CSMD1: variants seen among roughly 807,000 people sequenced by gnomAD.
CSMD1 encodes CUB and sushi domain-containing protein 1.
A neutral mutation model predicts 417.5 loss-of-function variants in CSMD1; 213 were observed. The observed-to-expected ratio is 0.51, with a 90% confidence interval of 0.46 to 0.57. The LOEUF (loss-of-function observed/expected upper bound fraction) is 0.57. Among genes scored for constraint, CSMD1 ranks in the 20% least tolerant of loss-of-function variants. The pLI is 0.00. For synonymous variants in CSMD1, 2,862 were observed against 1,736.8 expected, an observed-to-expected ratio of 1.65 and a Z score of -16.11; for missense variants, 6,923 against 4,529.7, an observed-to-expected ratio of 1.53 and a Z score of -15.17.
At chr8:4,844,725 A>G (rs1167580477) in intron 1 of CSMD1, among the ~76,000 whole-genome samples, 5 of 152,236 alleles carry the variant, frequency 3.3e-5, no homozygotes, top group Non-Finnish European at 5.9e-5. Context: ...TGTAGTGATA[A>G]TTATGATTAT....
intron 3 of CSMD1, among the ~76,000 whole-genome samples, chr8:4,282,267 C>T (rs931241191): frequency 6.6e-5 from 10 of 152,078 alleles, no homozygotes; most frequent in African/African-American, 2.2e-4. Context: ...TCCATGTGAA[C>T]CTGTCATTTT....
chr8:4,419,152 T>C (rs910320134), intron 3 of CSMD1, among the ~76,000 whole-genome samples: 1 of 152,158 alleles, frequency 6.6e-6, no homozygotes, highest in African/African-American at 2.4e-5. Flanking sequence ...GTGTTGTAAA[T>C]AGGAATTGGT....
chr8:4,091,359 T>C lies in CSMD1; in HGVS notation c.416-59260A>G, dbSNP rs779821108. Among the ~76,000 whole-genome samples the C allele has an allele frequency of 3.7e-4, 56 of 152,312 alleles. 1 individual carries two copies. The Middle Eastern group carries it at 0.014, about 37-fold the overall frequency. Reference sequence around the variant, plus strand: ...TGATTCCATCATTGAATTTGAAATGTCCATGGAAGAAAATAAATATAAAAC... The same window carrying C: ...TGATTCCATCATTGAATTTGAAATGCCCATGGAAGAAAATAAATATAAAAC... On this transcript the variant is annotated intron_variant, in intron 3 of 69. Transcript: ENST00000635120.
chr8:4,973,084 G>C (rs960266468), intron 1 of CSMD1, among the ~76,000 whole-genome samples: 1 of 152,156 alleles, frequency 6.6e-6, no homozygotes, highest in African/African-American at 2.4e-5. Flanking sequence ...AAGAGTGCTT[G>C]GGCAATCAAA....
At chr8:3,718,561 G>T (rs534832166) in intron 6 of CSMD1, among the ~76,000 whole-genome samples, 1 of 151,946 alleles carries the variant, frequency 6.6e-6, no homozygotes, top group Admixed American at 6.6e-5. Flanking sequence ...ATTTAATGTC[G>T]CTTAATAGCA....
intron 40 of CSMD1, among the ~76,000 whole-genome samples, chr8:3,147,764 T>A (rs760756519): frequency 1.3e-5 from 2 of 152,214 alleles, no homozygotes; most frequent in African/African-American, 2.4e-5. Context: ...TTTCCAGTGA[T>A]ACTTCAAAGG....
intron 2 of CSMD1, among the ~76,000 whole-genome samples, chr8:4,596,457 TA>T (rs1477030885): frequency 6.6e-6 from 1 of 152,142 alleles, no homozygotes; most frequent in African/African-American, 2.4e-5. Flanking sequence ...ATTATGCAAA[TA>T]ATTTTCATCA....
At chr8:3,284,078 G>A (rs1802950922) in intron 26 of CSMD1, 66 bp downstream of exon 26, 1 of 1,245,156 alleles carries the variant, frequency 8.0e-7, no homozygotes, top group Non-Finnish European at 1.2e-6. Flanking sequence ...TATAAATGGA[G>A]GGAGATCTGT....
chr8:3,454,171 C>A (rs943192428), intron 12 of CSMD1, among the ~76,000 whole-genome samples: 2 of 152,122 alleles, frequency 1.3e-5, no homozygotes, highest in Non-Finnish European at 2.9e-5. Flanking sequence ...CTTGGTAGAT[C>A]TTTCTCCACC....
At chr8:3,213,752 T>G (rs1284948980) in intron 30 of CSMD1, among the ~76,000 whole-genome samples, 1 of 150,790 alleles carries the variant, frequency 6.6e-6, no homozygotes, top group African/African-American at 2.4e-5. Context: ...AATATATGTG[T>G]GTGTATGTAT....
intron 3 of CSMD1, among the ~76,000 whole-genome samples, chr8:4,348,271 G>T (rs954527595): frequency 6.6e-6 from 1 of 152,064 alleles, no homozygotes; most frequent in African/African-American, 2.4e-5. Context: ...TAAGGGGAAG[G>T]TAGATATAAC....
intron 33 of CSMD1, among the ~76,000 whole-genome samples, chr8:3,198,407 T>C (rs1245464970): frequency 1.3e-5 from 2 of 152,202 alleles, no homozygotes; most frequent in Non-Finnish European, 2.9e-5. Flanking sequence ...AAATTAGAAG[T>C]AGTAAGAGAC....
intron 49 of CSMD1, among the ~76,000 whole-genome samples, chr8:3,061,183 T>A (rs1390094309): frequency 6.6e-6 from 1 of 152,152 alleles, no homozygotes; most frequent in Non-Finnish European, 1.5e-5. Flanking sequence ...AAACCTTTGC[T>A]TCCTCACCTG....
chr8:4,435,833 G>T (rs1209090928), intron 2 of CSMD1, among the ~76,000 whole-genome samples: 1 of 152,216 alleles, frequency 6.6e-6, no homozygotes, highest in African/African-American at 2.4e-5. Flanking sequence ...GGCAGGGTGT[G>T]TGACTCCAAA....
At chr8:4,062,573 A>T (rs940021929) in intron 3 of CSMD1, among the ~76,000 whole-genome samples, 1 of 152,140 alleles carries the variant, frequency 6.6e-6, no homozygotes, top group East Asian at 1.9e-4. Flanking sequence ...CATATCCTAT[A>T]AAAGTTTTCA....
intron 3 of CSMD1, among the ~76,000 whole-genome samples, chr8:4,130,870 T>G (rs1181450068): frequency 1.3e-5 from 2 of 151,778 alleles, no homozygotes; most frequent in Non-Finnish European, 2.9e-5. Context: ...TTAGAAAGAG[T>G]GTTCATATGC....
chr8:3,177,779 G>C (rs936309055), intron 37 of CSMD1, among the ~76,000 whole-genome samples: 1 of 152,142 alleles, frequency 6.6e-6, no homozygotes, highest in Non-Finnish European at 1.5e-5. Flanking sequence ...CCACCTTGTT[G>C]GCCAGCAGTA....
chr8:3,396,145 C>G (rs1427999132), intron 17 of CSMD1, 49 bp downstream of exon 17: 1 of 1,471,272 alleles, frequency 6.8e-7, no homozygotes, highest in East Asian at 2.5e-5. Context: ...ATCTTTAGTT[C>G]TCCCATGCAT....
At chr8:3,614,860 C>T (rs186919120) in intron 8 of CSMD1, among the ~76,000 whole-genome samples, 1 of 152,030 alleles carries the variant, frequency 6.6e-6, no homozygotes, top group South Asian at 2.1e-4. Flanking sequence ...GTGAGCACAT[C>T]GTGATGATGC....
Sources: gnomAD v4.1 joint callset for allele counts (sites outside exome capture counted in the v4.1 genomes callset) on GRCh38, gnomAD v4.1.1 for gene constraint, MANE v1.5 for transcripts, NCBI Gene and HGNC (gene_info 2026-07-23, HGNC 2026-07-21) for gene names.